Variants in NTM observed in about 807,000 individuals in gnomAD.
NTM encodes IgLON family member 2.
NTM carries 13 observed loss-of-function variants against 42.1 expected under a neutral mutation model. That is an observed-to-expected ratio of 0.31 (90% CI 0.20 to 0.49). The LOEUF (loss-of-function observed/expected upper bound fraction) is 0.49. NTM is among the 20% of genes least tolerant of loss of function. The probability of loss-of-function intolerance (pLI) is 0.99; values close to 1 mark genes in which losing one functional copy is unlikely to be tolerated. For missense variants in NTM, 373 were observed against 452.8 expected (o/e 0.82, Z 1.60); for synonymous variants, 187 against 179.2 (o/e 1.04, Z -0.35).
chr11:132,090,619 C>T (rs1164021189), intron 2 of NTM, among the ~76,000 whole-genome samples: 1 of 152,088 alleles, frequency 6.6e-6, no homozygotes, highest in Admixed American at 6.6e-5. Context: ...CTTCTTTGAC[C>T]TCACTGGAAC....
intron 1 of NTM, among the ~76,000 whole-genome samples, chr11:131,449,595 T>C (rs1950329825): frequency 6.6e-6 from 1 of 152,210 alleles, no homozygotes; most frequent in Non-Finnish European, 1.5e-5. Context: ...ACCGGCCAGA[T>C]CTGTGCTGCG....
intron 1 of NTM, among the ~76,000 whole-genome samples, chr11:131,743,944 A>C (rs980977060): frequency 6.6e-6 from 1 of 152,190 alleles, no homozygotes; most frequent in Non-Finnish European, 1.5e-5. Flanking sequence ...TTCTTATGGC[A>C]TATTGTGATA....
intron 1 of NTM, chr11:131,535,320 GAAAT>G (rs1317909931): frequency 2.6e-5 from 4 of 152,132 alleles, no homozygotes; most frequent in African/African-American, 4.8e-5. Flanking sequence ...GGCAATAAAA[GAAAT>G]AAATAACAAC....
At chr11:131,882,030 G>T (rs933418100) in intron 1 of NTM, among the ~76,000 whole-genome samples, 1 of 152,176 alleles carries the variant, frequency 6.6e-6, no homozygotes, top group Non-Finnish European at 1.5e-5. Context: ...TCCAGGAAGA[G>T]CTTCACAGAG....
intron 2 of NTM, among the ~76,000 whole-genome samples, chr11:132,044,959 A>C (rs960861712): frequency 2.0e-5 from 3 of 152,198 alleles, no homozygotes; most frequent in Non-Finnish European, 2.9e-5. Context: ...CAAAGAAGAG[A>C]TAGTACCATT....
intron 2 of NTM, among the ~76,000 whole-genome samples, chr11:132,047,851 A>G (rs977565757): frequency 6.6e-6 from 1 of 152,142 alleles, no homozygotes. Flanking sequence ...ATCATATTAC[A>G]TCCTTGACCT....
Position 131,758,960 on chromosome 11 carries a change from A to G in NTM, c.83-152604A>G, listed in dbSNP as rs553703167. 3.9e-5 allele frequency among the ~76,000 whole-genome samples: 6 copies of G among 152,314 alleles called. No individual in the cohort carries two copies. In the South Asian group the frequency reaches 1.0e-3, roughly 26 times the overall value. ...TCAAAGAAGCCGTGACTCTTTGAAC[A>G]TGAGTGGGTCACCCATTTTTACTAA... On this transcript the variant is annotated intron_variant, in intron 1 of 8. Coordinates refer to ENST00000683400, the MANE Select transcript of NTM (RefSeq NM_001352005.2).
At chr11:131,755,698 T>C (rs1456341934) in intron 1 of NTM, among the ~76,000 whole-genome samples, 1 of 152,236 alleles carries the variant, frequency 6.6e-6, no homozygotes, top group Non-Finnish European at 1.5e-5. Flanking sequence ...CTTTTGAACA[T>C]GTTTTGCATT....
intron 1 of NTM, among the ~76,000 whole-genome samples, chr11:131,708,727 A>G (rs1177380516): frequency 6.6e-6 from 1 of 152,210 alleles, no homozygotes; most frequent in African/African-American, 2.4e-5. Context: ...GGCCTTCTAT[A>G]TGTTTTTATG....
At chr11:132,123,563 G>A (rs900210324) in intron 2 of NTM, among the ~76,000 whole-genome samples, 1 of 152,154 alleles carries the variant, frequency 6.6e-6, no homozygotes, top group Admixed American at 6.5e-5. Flanking sequence ...GCCTATGGCC[G>A]TTCTGTTTTC....
chr11:132,007,123 T>G (rs1002126459), intron 2 of NTM, among the ~76,000 whole-genome samples: 1 of 152,236 alleles, frequency 6.6e-6, no homozygotes, highest in African/African-American at 2.4e-5. Flanking sequence ...GTGATGGATG[T>G]CTACTGTGAA....
chr11:131,824,270 C>T (rs2041874483), intron 1 of NTM, among the ~76,000 whole-genome samples: 1 of 152,154 alleles, frequency 6.6e-6, no homozygotes, highest in Non-Finnish European at 1.5e-5. Context: ...TTATCCATTA[C>T]ATTTGTTCAG....
intron 2 of NTM, among the ~76,000 whole-genome samples, chr11:132,011,671 G>C (rs2072230748): frequency 6.6e-6 from 1 of 152,166 alleles, no homozygotes; most frequent in African/African-American, 2.4e-5. Flanking sequence ...AGAAAACTAA[G>C]GGTGTAAGTA....
chr11:131,950,154 G>A (rs1016352221), intron 2 of NTM, among the ~76,000 whole-genome samples: 1 of 152,120 alleles, frequency 6.6e-6, no homozygotes, highest in Non-Finnish European at 1.5e-5. Context: ...TCTGTCTTCA[G>A]TGCCACTTGC....
intron 1 of NTM, among the ~76,000 whole-genome samples, chr11:131,856,883 G>T (rs1409200071): frequency 2.0e-5 from 3 of 152,212 alleles, no homozygotes; most frequent in Non-Finnish European, 4.4e-5. Flanking sequence ...ATCATAGCTT[G>T]CTAAGGATCA....
intron 2 of NTM, among the ~76,000 whole-genome samples, chr11:132,070,986 G>A: frequency 7.1e-6 from 1 of 140,708 alleles, no homozygotes; most frequent in Non-Finnish European, 1.6e-5. Context: ...ACGTCACACA[G>A]CCAAGTTAAC....
chr11:131,761,356 T>C (rs2084143619), intron 1 of NTM, among the ~76,000 whole-genome samples: 1 of 152,070 alleles, frequency 6.6e-6, no homozygotes, highest in Non-Finnish European at 1.5e-5. Flanking sequence ...GGGTTACAGA[T>C]GGAATGTTTT....
intron 1 of NTM, among the ~76,000 whole-genome samples, chr11:131,606,853 A>G (rs1223457830): frequency 6.6e-6 from 1 of 152,208 alleles, no homozygotes; most frequent in Non-Finnish European, 1.5e-5. Flanking sequence ...CAAAAAAAAG[A>G]GGCCGTGGTT....
At chr11:131,915,672 A>C (rs1476596239) in intron 2 of NTM, among the ~76,000 whole-genome samples, 1 of 152,186 alleles carries the variant, frequency 6.6e-6, no homozygotes, top group Non-Finnish European at 1.5e-5. Context: ...AAAGAGGTTT[A>C]ATGGACTCAC....
Sources: gnomAD v4.1 joint callset for allele counts (sites outside exome capture counted in the v4.1 genomes callset) on GRCh38, gnomAD v4.1.1 for gene constraint, MANE v1.5 for transcripts, NCBI Gene and HGNC (gene_info 2026-07-23, HGNC 2026-07-21) for gene names.